The following FILIP1L variants were observed in gnomAD, a reference collection of about 807,000 sequenced individuals.
FILIP1L encodes the protein filamin A-interacting protein 1-like.
Under a neutral mutation model 96.6 loss-of-function variants are expected in FILIP1L, and 55 were observed. The ratio of observed to expected loss-of-function variants is 0.57; its 90% confidence interval spans 0.46 to 0.71. FILIP1L has a LOEUF of 0.71. Ranked by LOEUF, FILIP1L falls within the 30% of genes least tolerant of loss-of-function variation. The pLI, the probability that FILIP1L is intolerant of heterozygous loss-of-function variation, is 0.00. For synonymous variants in FILIP1L, 467 were observed against 473.9 expected, an observed-to-expected ratio of 0.99 and a Z score of 0.19; for missense variants, 1,304 against 1,321.2, an observed-to-expected ratio of 0.99 and a Z score of 0.20.
chr3:100,067,231 A>G (rs1221467964), intron 1 of FILIP1L, among the ~76,000 whole-genome samples: 2 of 152,186 alleles, frequency 1.3e-5, no homozygotes, highest in African/African-American at 4.8e-5. Context: ...ACAGTTGAAC[A>G]AAAGTAAGGT....
intron 1 of FILIP1L, among the ~76,000 whole-genome samples, chr3:100,069,439 G>A (rs2065723625): frequency 6.6e-6 from 1 of 152,146 alleles, no homozygotes; most frequent in African/African-American, 2.4e-5. Flanking sequence ...AAGTGGTTAA[G>A]AGAAAGGAGA....
At chr3:100,002,367 C>T (rs1424001113) in intron 1 of FILIP1L, among the ~76,000 whole-genome samples, 1 of 152,164 alleles carries the variant, frequency 6.6e-6, no homozygotes, top group African/African-American at 2.4e-5. Flanking sequence ...TCCCCTGATA[C>T]ACATTTGCTT....
chr3:100,096,415 G>T (rs1173740282), intron 1 of FILIP1L, among the ~76,000 whole-genome samples: 2 of 152,150 alleles, frequency 1.3e-5, no homozygotes, highest in Admixed American at 1.3e-4. Flanking sequence ...AAACACAATG[G>T]ATACTATTCA....
intron 1 of FILIP1L, among the ~76,000 whole-genome samples, chr3:99,959,987 C>T (rs1465493508): frequency 6.6e-6 from 1 of 152,128 alleles, no homozygotes; most frequent in Non-Finnish European, 1.5e-5. Context: ...GGGAGTTAGG[C>T]CTAGCTGTTC....
chr3:100,010,257 C>A, intron 1 of FILIP1L: 1 of 358,632 alleles, frequency 2.8e-6, no homozygotes, highest in Non-Finnish European at 3.9e-6. Flanking sequence ...CCCCCCACAA[C>A]ATTGTCCTTA....
chr3:100,021,315 C>T (rs1029427655), intron 1 of FILIP1L, among the ~76,000 whole-genome samples: 3 of 152,164 alleles, frequency 2.0e-5, no homozygotes, highest in Non-Finnish European at 4.4e-5. Context: ...AAGTGAGGCT[C>T]AGGTTTTTGT....
At chr3:99,970,257 A>G (rs1708774162) in intron 1 of FILIP1L, among the ~76,000 whole-genome samples, 1 of 152,224 alleles carries the variant, frequency 6.6e-6, no homozygotes, top group Non-Finnish European at 1.5e-5. Context: ...TTTGGAGCTC[A>G]GTTTCAGACC....
intron 1 of FILIP1L, among the ~76,000 whole-genome samples, chr3:100,034,840 G>A (rs554394093): frequency 1.2e-4 from 18 of 152,162 alleles, no homozygotes; most frequent in Admixed American, 1.0e-3. Flanking sequence ...ATCAGTAAAC[G>A]GTATATACAT....
intron 1 of FILIP1L, among the ~76,000 whole-genome samples, chr3:100,036,245 C>T (rs562913043): frequency 6.6e-6 from 1 of 152,292 alleles, no homozygotes; most frequent in Non-Finnish European, 1.5e-5. Flanking sequence ...AAAGCTTCTA[C>T]ATCTCATTTC....
At chr3:99,932,653 G>T (rs1707521167) in intron 1 of FILIP1L, among the ~76,000 whole-genome samples, 1 of 152,144 alleles carries the variant, frequency 6.6e-6, no homozygotes, top group South Asian at 2.1e-4. Flanking sequence ...ACTTTGGGAG[G>T]CCGAGGCAGG....
At chr3:100,045,429 G>A (rs2065263730) in intron 1 of FILIP1L, among the ~76,000 whole-genome samples, 2 of 152,184 alleles carry the variant, frequency 1.3e-5, no homozygotes, top group South Asian at 4.1e-4. Context: ...GTGAAAATAT[G>A]TGTATAAAAT....
At chr3:100,067,489 A>G (rs2065686933) in intron 1 of FILIP1L, among the ~76,000 whole-genome samples, 1 of 152,186 alleles carries the variant, frequency 6.6e-6, no homozygotes, top group African/African-American at 2.4e-5. Context: ...GAGGATAGTG[A>G]GTGTTTTTCA....
intron 1 of FILIP1L, chr3:100,109,901 T>G (rs2066459158): frequency 8.7e-6 from 1 of 114,710 alleles, no homozygotes; most frequent in African/African-American, 4.1e-5. Context: ...GTTTCTTTTA[T>G]GACCCCCCCC....
At chr3:99,982,559 G>T (rs1235155415) in intron 1 of FILIP1L, among the ~76,000 whole-genome samples, 1 of 151,936 alleles carries the variant, frequency 6.6e-6, no homozygotes, top group African/African-American at 2.4e-5. Flanking sequence ...GCCCAGGCTG[G>T]TCTTTCACCC....
Position 100,086,260 on chromosome 3 carries a change from C to G in FILIP1L, c.-11+27793G>C, listed in dbSNP as rs145284852. On this transcript the variant is annotated intron_variant, in intron 1 of 5. Transcript: ENST00000477258. Reference sequence around the variant, plus strand: ...ACCTATTGAGCTGATTAGAAAACAACTAGAAGTCATTCAGTACCACAGAAG... The same window carrying G: ...ACCTATTGAGCTGATTAGAAAACAAGTAGAAGTCATTCAGTACCACAGAAG... 8.3e-4 allele frequency among the ~76,000 whole-genome samples: 127 copies of G among 152,256 alleles called. 4 individuals are homozygous for G. The East Asian group carries it at 0.016, about 19-fold the overall frequency.
chr3:99,828,894 CATCATCCCTCTCAATGCTGCCT>C lies in FILIP1L; in HGVS notation c.*1498_*1519del, dbSNP rs1392998294. 4.6e-5 allele frequency among the ~76,000 whole-genome samples: 7 copies of C among 150,984 alleles called. No individual in the cohort carries two copies. Among genetic ancestry groups the C allele is most frequent in the African/African-American group, 1.7e-4 (7 of 40,422 alleles). On this transcript the variant is annotated 3_prime_UTR_variant, in exon 6 of 6. Transcript: ENST00000477258. ...CCACTTGCCTGCTGGGACTGCTGCC[CATCATCCCTCTCAATGCTGCCT>C]ATCATCCCTCTCAATGCTGCCCATC...
At chr3:99,906,931 A>T (rs1706636900) in intron 4 of FILIP1L, among the ~76,000 whole-genome samples, 1 of 152,228 alleles carries the variant, frequency 6.6e-6, no homozygotes, top group South Asian at 2.1e-4. Context: ...GTGGATGAAG[A>T]CAACTCTGAA....
intron 1 of FILIP1L, among the ~76,000 whole-genome samples, chr3:99,936,384 T>C (rs1042023190): frequency 1.1e-4 from 15 of 134,954 alleles, no homozygotes; most frequent in Non-Finnish European, 2.0e-4. Context: ...TTTTTTTTTT[T>C]TTTTTTTTTG....
intron 1 of FILIP1L, among the ~76,000 whole-genome samples, chr3:100,056,894 C>G (rs147098703): frequency 0.012 from 1,787 of 152,172 alleles, 22 homozygotes; most frequent in African/African-American, 0.026. Flanking sequence ...GTCCCAGCTA[C>G]TCGGGAGGCT....
Sources: allele counts gnomAD v4.1 joint callset (sites outside exome capture counted in the v4.1 genomes callset), GRCh38; gene constraint gnomAD v4.1.1; transcripts MANE v1.5; gene names NCBI Gene and HGNC (gene_info 2026-07-23, HGNC 2026-07-21).